Variants in NIFK observed in about 807,000 individuals in gnomAD.
The protein encoded by NIFK is nucleolar protein interacting with the FHA domain of MKI67.
NIFK carries 16 observed loss-of-function variants against 31.7 expected under a neutral mutation model. That is an observed-to-expected ratio of 0.50 (90% CI 0.34 to 0.77). The LOEUF (loss-of-function observed/expected upper bound fraction) is 0.77. NIFK is among the 30% of genes least tolerant of loss of function. The pLI is 0.01. For missense variants in NIFK, 341 were observed against 350.4 expected (o/e 0.97, Z 0.21); for synonymous variants, 126 against 123.0 (o/e 1.02, Z -0.16).
In NIFK at chr2:121,735,721, T is replaced by C. The variant is rs770900418; in HGVS notation, c.135A>G (p.Gly45=). ...QRKKQEQLTP[G]VVYVRHLPNL... ...TAGGTAGGTGGCGCACATAGACTAC[T>C]CCAGGAGTAAGTTGTTCTTGTTTTT... Residue 45 remains glycine, a synonymous_variant, in exon 2 of 7, where the codon GGA becomes GGG. Coordinates refer to ENST00000285814, the MANE Select transcript of NIFK (RefSeq NM_032390.5). 9 of 1,613,446 alleles carry C rather than the reference T, an allele frequency of 5.6e-6. No individual in the cohort carries two copies. Among genetic ancestry groups the C allele is most frequent in the Non-Finnish European group, 7.6e-6 (9 of 1,179,882 alleles).
intron 1 of NIFK, among the ~76,000 whole-genome samples, 171 bp downstream of exon 1, chr2:121,736,575 A>G (rs2074582182): frequency 6.6e-6 from 1 of 152,206 alleles, no homozygotes; most frequent in South Asian, 2.1e-4. Context: ...GTGGCCTGCA[A>G]GCTTAAGAGG....
chr2:121,733,909 T>C (rs1253926448), intron 2 of NIFK, among the ~76,000 whole-genome samples: 1 of 152,220 alleles, frequency 6.6e-6, no homozygotes, highest in Non-Finnish European at 1.5e-5. Flanking sequence ...GTCTGCAAAA[T>C]ACTCTTCTAG....
In NIFK at chr2:121,727,886, T is replaced by A; in HGVS notation, c.720A>T (p.Thr240=). ...CTTGAGATTTTCGCCTCTCCAAAAA[T>A]GTTGGTGTACAAACTGGTGTGGGGC... ...SQGPTPVCTP[T]FLERRKSQVA... is the part of the protein sequence containing the mutation. Residue 240 remains threonine (T), a synonymous_variant, in exon 7 of 7, where the codon ACA becomes ACT. Coordinates refer to ENST00000285814, the MANE Select transcript of NIFK (RefSeq NM_032390.5). The A allele has an allele frequency of 1.2e-6, 2 of 1,604,404 alleles. No homozygotes were observed. Among genetic ancestry groups the A allele is most frequent in the Non-Finnish European group, 1.7e-6 (2 of 1,178,156 alleles).
intron 2 of NIFK, among the ~76,000 whole-genome samples, chr2:121,732,875 G>A (rs992213268): frequency 2.0e-5 from 3 of 152,028 alleles, no homozygotes; most frequent in African/African-American, 7.2e-5. Flanking sequence ...AAGGTCAGGG[G>A]TTTGAGACCA....
At chr2:121,731,129 A>G in intron 3 of NIFK, 25 bp from the exon 4 acceptor site, 2 of 1,360,344 alleles carry the variant, frequency 1.5e-6, no homozygotes, top group Non-Finnish European at 1.0e-6. Context: ...AAAAAAACAT[A>G]AAGGTATTTT....
At position 121,727,729 on chromosome 2, in the gene NIFK, G is replaced by C; in HGVS notation, c.877C>G (p.Gln293Glu). The C allele has an allele frequency of 6.3e-7, 1 of 1,593,790 alleles. No homozygotes were observed. The highest frequency in any genetic ancestry group is 1.2e-5 in the South Asian group (1 of 86,360). Residue 293 changes from glutamine to glutamate, a missense_variant, in exon 7 of 7, where the codon CAG becomes GAG. By Grantham distance (29) the Gln-to-Glu change is conservative. Transcript: ENST00000285814. Reference sequence around the variant, plus strand: ...GAAATATAATACATTGAAAATCACTGATTGCTGCTTCTTCGTCTTTTTTTC... The same window carrying C: ...GAAATATAATACATTGAAAATCACTCATTGCTGCTTCTTCGTCTTTTTTTC... The part of the protein sequence containing the change: ...SRKKRRRSSN[Q>E]
intron 2 of NIFK, 54 bp downstream of exon 2, chr2:121,735,559 A>G (rs1002887907): frequency 2.6e-6 from 4 of 1,566,046 alleles, no homozygotes; most frequent in Non-Finnish European, 3.5e-6. Context: ...TTTAATGTCA[A>G]GGATAATACA....
At chr2:121,729,367 C>CAAAAAAA (rs966976474) in intron 4 of NIFK, among the ~76,000 whole-genome samples, 2 of 62,148 alleles carry the variant, frequency 3.2e-5, no homozygotes, top group African/African-American at 9.7e-5. Flanking sequence ...GACTCCATCT[C>CAAAAAAA]AAAAAAAAAA....
At position 121,727,907 on chromosome 2, in the gene NIFK, G is replaced by A; in HGVS notation, c.699C>T (p.Pro233=). ...TPEKTVDSQG[P]TPVCTPTFLE... ...AAAATGTTGGTGTACAAACTGGTGT[G>A]GGGCCCTGGATTCAACAAGTAAAGA... The change falls in exon 7 of 7, where the codon CCC becomes CCT. Residue 233 remains proline, a synonymous_variant. Coordinates refer to ENST00000285814, the MANE Select transcript of NIFK (RefSeq NM_032390.5). 1.3e-6 allele frequency: 2 copies of A among 1,590,606 alleles called. No individual in the cohort carries two copies. Among genetic ancestry groups the A allele is most frequent in the Non-Finnish European group, 8.5e-7 (1 of 1,174,400 alleles).
chr2:121,734,272 T>TG (rs1173903079), intron 2 of NIFK, among the ~76,000 whole-genome samples: 1 of 151,854 alleles, frequency 6.6e-6, no homozygotes, highest in African/African-American at 2.4e-5. Context: ...CAAAACCTAA[T>TG]GTTCAATAGG....
chr2:121,728,602 A>G lies in NIFK; in HGVS notation c.565-66T>C, dbSNP rs141137033. 1.6e-3 allele frequency: 1,418 copies of G among 869,184 alleles called. 5 individuals carry two copies. Among genetic ancestry groups the G allele is most frequent in the African/African-American group, 8.9e-3 (524 of 58,658 alleles). The allele number at this position is 869,184 out of a possible 1,614,324, so 53.8% of individuals were successfully genotyped here. On this transcript the variant is annotated intron_variant, in intron 4 of 6. Transcript: ENST00000285814. ...TTTCTAAACTTAGCATTAGATCCTC[A>G]TATATATTATCAGTAAATCCTCCCT...
chr2:121,732,736 C>T (rs1293050575), intron 2 of NIFK, among the ~76,000 whole-genome samples: 1 of 152,130 alleles, frequency 6.6e-6, no homozygotes, highest in Non-Finnish European at 1.5e-5. Context: ...GCAATCTCAG[C>T]ACTTTGGGAG....
rs561588378 is a variant in NIFK at position 121,731,307 on chromosome 2, G to A, written c.353-203C>T. ...AGCTGTGAACTTGGGTACCTAAGAC[G>A]GCCACATGCCACCATGGGCACAGGG... On this transcript the variant is annotated intron_variant, in intron 3 of 6. Coordinates refer to ENST00000285814, the MANE Select transcript of NIFK (RefSeq NM_032390.5). 75 of 532,424 alleles carry A rather than the reference G, an allele frequency of 1.4e-4. No individual in the cohort carries two copies. In the South Asian group the frequency reaches 1.5e-3, roughly 10 times the overall value. 33.0% of individuals were successfully genotyped at this position (532,424 alleles called of 1,614,324 possible).
At chr2:121,733,496 C>A (rs1463386529) in intron 2 of NIFK, among the ~76,000 whole-genome samples, 2 of 150,150 alleles carry the variant, frequency 1.3e-5, no homozygotes, top group Non-Finnish European at 3.0e-5. Context: ...GCCTGGGCAA[C>A]AGAGTGAGAC....
Position 121,730,923 on chromosome 2 carries a change from T to G in NIFK, c.534A>C (p.Lys178Asn), listed in dbSNP as rs1171570579. The part of the protein sequence containing the change: ...KERLLRKKLA[K>N]KGIDYDFPSL... ...AAGGAAAATCATAGTCAATTCCTTTTTTAGCTAATTTCTTCCTGAGTAATC... is the reference window on the plus strand; with the variant it reads ...AAGGAAAATCATAGTCAATTCCTTTGTTAGCTAATTTCTTCCTGAGTAATC... The change falls in exon 4 of 7, where the codon AAA (lysine) becomes AAC (asparagine). Residue 178 changes from lysine (K) to asparagine (N), a missense_variant. Transcript: ENST00000285814. 1 of 1,611,948 alleles carries G rather than the reference T, an allele frequency of 6.2e-7. No individual in the cohort carries two copies. The highest frequency in any genetic ancestry group is 1.3e-5 in the African/African-American group (1 of 74,882).
chr2:121,735,931 T>C (rs1029173817), intron 1 of NIFK, 181 bp from the exon 2 acceptor site: 6 of 574,484 alleles, frequency 1.0e-5, no homozygotes, highest in Non-Finnish European at 1.8e-5. Context: ...TAGTCAACTA[T>C]CTTTCCAGCC....
In NIFK at chr2:121,728,335, T is replaced by C. The variant is rs780403103; in HGVS notation, c.646A>G (p.Lys216Glu). The change falls in exon 6 of 7, where the codon AAA becomes GAA. Residue 216 changes from lysine to glutamate, a missense_variant. Transcript: ENST00000285814. Reference protein sequence around the residue: ...KGQVLRKKKKKVSGTLDTPEK... With the variant: ...KGQVLRKKKKEVSGTLDTPEK... Reference sequence around the variant, plus strand: ...GGAGTGTCAAGAGTACCTGAAACTTTTTTCTTCTTCTTACGTAAAACCTTA... The same window carrying C: ...GGAGTGTCAAGAGTACCTGAAACTTCTTTCTTCTTCTTACGTAAAACCTTA... The C allele has an allele frequency of 6.8e-6, 11 of 1,608,976 alleles. No homozygotes were observed. The South Asian group carries it at 1.2e-4, about 18-fold the overall frequency.
rs770526170 is a variant in NIFK, at chr2:121,728,368, T to C, written c.625-12A>G. The C allele has an allele frequency of 2.6e-6, 4 of 1,566,992 alleles. No homozygotes were observed. The highest frequency in any genetic ancestry group is 2.6e-6 in the Non-Finnish European group (3 of 1,139,734). On this transcript the variant is annotated splice_polypyrimidine_tract_variant and intron_variant, in intron 5 of 6. Coordinates refer to ENST00000285814, the MANE Select transcript of NIFK (RefSeq NM_032390.5). The stretch of plus-strand genomic sequence containing the variant: ...TTCTTACGTAAAACCTTAAAATAAA[T>C]TTTAAAACACATCAATTTGAATATT...
chr2:121,728,184 A>G (rs867146112), intron 6 of NIFK, 104 bp downstream of exon 6: 14 of 814,554 alleles, frequency 1.7e-5, no homozygotes, highest in Middle Eastern at 3.7e-4. Flanking sequence ...CAAATGTCAC[A>G]ATATTTAATT....
Sources: gnomAD v4.1 joint callset for allele counts (sites outside exome capture counted in the v4.1 genomes callset) on GRCh38, gnomAD v4.1.1 for gene constraint, MANE v1.5 for transcripts, NCBI Gene and HGNC (gene_info 2026-07-23, HGNC 2026-07-21) for gene names.